Variants in RAB22A observed in about 807,000 individuals in gnomAD.
RAB22A encodes the protein ras-related protein Rab-22A.
A neutral mutation model predicts 30.2 loss-of-function variants in RAB22A; 13 were observed. The observed-to-expected ratio is 0.43, with a 90% CI of 0.28 to 0.68. The LOEUF (loss-of-function observed/expected upper bound fraction) is 0.68. Ranked by LOEUF, RAB22A falls within the 30% of genes least tolerant of loss-of-function variation. The pLI is 0.18. For missense variants in RAB22A, 177 were observed against 246.8 expected, an observed-to-expected ratio of 0.72 and a Z score of 1.89; for synonymous variants, 89 against 87.2, an observed-to-expected ratio of 1.02 and a Z score of -0.11.
At chr20:58,310,976 C>A (rs146290284) in intron 1 of RAB22A, 67 bp from the exon 2 acceptor site, 2 of 1,293,778 alleles carry the variant, frequency 1.5e-6, no homozygotes, top group East Asian at 4.6e-5. Context: ...ACTTATGCCA[C>A]AAAGTAGTTT....
chr20:58,354,375 G>A, intron 6 of RAB22A, 110 bp downstream of exon 6: 2 of 679,270 alleles, frequency 2.9e-6, no homozygotes, highest in Admixed American at 5.9e-5. Context: ...CTCTGATATT[G>A]TGATCAGTGA....
At chr20:58,346,955 C>T (rs1330244241) in intron 3 of RAB22A, among the ~76,000 whole-genome samples, 3 of 152,154 alleles carry the variant, frequency 2.0e-5, no homozygotes, top group African/African-American at 7.2e-5. Context: ...TGCTCTCAGC[C>T]CCTTGGCACA....
At chr20:58,337,785 C>T (rs191874564) in intron 2 of RAB22A, among the ~76,000 whole-genome samples, 53 of 152,274 alleles carry the variant, frequency 3.5e-4, no homozygotes, top group Admixed American at 8.5e-4. Flanking sequence ...CTCACCAGCC[C>T]TGTCTATTCT....
chr20:58,330,530 C>T (rs575993363), intron 2 of RAB22A, among the ~76,000 whole-genome samples: 36 of 151,864 alleles, frequency 2.4e-4, no homozygotes, highest in Non-Finnish European at 4.6e-4. Flanking sequence ...GCAGAAGATA[C>T]GCTGCAAAGA....
chr20:58,354,246 T>C lies in RAB22A; in HGVS notation c.468T>C (p.Asn156=). The change falls in exon 6 of 7, where the codon AAT becomes AAC. Residue 156 remains asparagine (N), a synonymous_variant. Coordinates refer to ENST00000244040, the MANE Select transcript of RAB22A (RefSeq NM_020673.3). The stretch of plus-strand genomic sequence containing the variant: ...GCGCAAAAAACGCGATAAACATAAA[T>C]GAACTCTTTATAGAAATTAGTGAGT... ...ETSAKNAINI[N]ELFIEISRRI... is the part of the protein sequence containing the mutation. 3.1e-6 allele frequency: 5 copies of C among 1,612,280 alleles called. No homozygotes were observed. The South Asian group carries it at 5.5e-5, about 18-fold the overall frequency.
intron 3 of RAB22A, among the ~76,000 whole-genome samples, chr20:58,347,134 A>G (rs535711975): frequency 4.9e-4 from 74 of 152,328 alleles, no homozygotes; most frequent in African/African-American, 1.5e-3. Flanking sequence ...TTATTATGGA[A>G]CCAAAATTGT....
At chr20:58,320,145 G>A (rs1253316610) in intron 2 of RAB22A, among the ~76,000 whole-genome samples, 1 of 152,084 alleles carries the variant, frequency 6.6e-6, no homozygotes, top group African/African-American at 2.4e-5. Context: ...CTACTTTTTT[G>A]GAAGAGTTTG....
At chr20:58,358,487 T>C (rs529702014) in intron 6 of RAB22A, among the ~76,000 whole-genome samples, 1 of 152,356 alleles carries the variant, frequency 6.6e-6, no homozygotes, top group South Asian at 2.1e-4. Context: ...AGATGCTTCT[T>C]GCATCTTTGT....
chr20:58,347,259 C>T (rs1428549709), intron 3 of RAB22A, among the ~76,000 whole-genome samples: 1 of 152,150 alleles, frequency 6.6e-6, no homozygotes, highest in Non-Finnish European at 1.5e-5. Flanking sequence ...TCTGATGGTC[C>T]AGCTACGTTT....
At chr20:58,319,704 TGTAG>T (rs1413284430) in intron 2 of RAB22A, among the ~76,000 whole-genome samples, 1 of 152,224 alleles carries the variant, frequency 6.6e-6, no homozygotes. Flanking sequence ...TCACCGTTAA[TGTAG>T]GTCTTTTACC....
intron 5 of RAB22A, 122 bp from the exon 6 acceptor site, chr20:58,354,034 C>CCCAT (rs2122968872): frequency 1.6e-6 from 1 of 619,626 alleles, no homozygotes; most frequent in African/African-American, 1.8e-5. Flanking sequence ...TGTCTCAGGG[C>CCCAT]CCATCCAGCA....
At chr20:58,352,594 C>T (rs534628850) in intron 3 of RAB22A, among the ~76,000 whole-genome samples, 1 of 152,198 alleles carries the variant, frequency 6.6e-6, no homozygotes. Flanking sequence ...ATCACCCTTG[C>T]TGTTCAAATG....
intron 3 of RAB22A, among the ~76,000 whole-genome samples, chr20:58,350,105 A>G (rs1987020906): frequency 6.6e-6 from 1 of 152,172 alleles, no homozygotes; most frequent in Non-Finnish European, 1.5e-5. Context: ...CTTAAGGGAA[A>G]AAAAAAAGGA....
chr20:58,310,534 A>G (rs1986203791), intron 1 of RAB22A, among the ~76,000 whole-genome samples: 1 of 152,206 alleles, frequency 6.6e-6, no homozygotes, highest in Admixed American at 6.5e-5. Flanking sequence ...AGGAAGCCCC[A>G]AAGACTAGTT....
In RAB22A at chr20:58,359,785, T is replaced by G. The variant is rs1987194950; in HGVS notation, c.*82T>G. ...GAGGGCTGGGGTCCCTGCCACCAGT[T>G]TTCACCTAGCCAGTCTTGAGTCTTC... On this transcript the variant is annotated 3_prime_UTR_variant, in exon 7 of 7. Transcript: ENST00000244040. 7.8e-7 allele frequency: 1 copy of G among 1,279,210 alleles called. No individual in the cohort carries two copies. The highest frequency in any genetic ancestry group is 2.5e-5 in the East Asian group (1 of 40,230). 79.2% of individuals were successfully genotyped at this position (1,279,210 alleles called of 1,614,324 possible).
intron 3 of RAB22A, among the ~76,000 whole-genome samples, chr20:58,345,016 C>A (rs939818407): frequency 6.6e-6 from 1 of 152,156 alleles, no homozygotes; most frequent in African/African-American, 2.4e-5. Context: ...CTAACCATCC[C>A]TCTTCTGTCC....
chr20:58,343,024 C>G (rs990536741), intron 2 of RAB22A, among the ~76,000 whole-genome samples: 1 of 152,210 alleles, frequency 6.6e-6, no homozygotes, highest in African/African-American at 2.4e-5. Flanking sequence ...GGCAGAGTAG[C>G]TCCCTGAAAG....
chr20:58,349,257 G>T (rs868200309), intron 3 of RAB22A, among the ~76,000 whole-genome samples: 2 of 152,334 alleles, frequency 1.3e-5, no homozygotes, highest in Middle Eastern at 3.4e-3. Flanking sequence ...CTGCAAAGGG[G>T]AGCTTTCTTG....
intron 3 of RAB22A, among the ~76,000 whole-genome samples, chr20:58,350,207 A>G (rs962396340): frequency 6.6e-6 from 1 of 152,232 alleles, no homozygotes; most frequent in African/African-American, 2.4e-5. Context: ...AAGCTGCAAT[A>G]TCTAAGATGA....
Sources: allele counts gnomAD v4.1 joint callset (sites outside exome capture counted in the v4.1 genomes callset), GRCh38; gene constraint gnomAD v4.1.1; transcripts MANE v1.5; gene names NCBI Gene and HGNC (gene_info 2026-07-23, HGNC 2026-07-21).